INTS7: variants seen among roughly 807,000 people sequenced by gnomAD.
INTS7 encodes the protein integrator complex subunit 7.
A neutral mutation model predicts 109.2 loss-of-function variants in INTS7; 46 were observed. The ratio of observed to expected loss-of-function variants is 0.42; its 90% CI spans 0.33 to 0.54. The LOEUF is 0.54. Among genes scored for constraint, INTS7 ranks in the 20% least tolerant of loss-of-function variants. The pLI is 0.07. For missense variants in INTS7, 929 were observed against 1,132.4 expected, an observed-to-expected ratio of 0.82 and a Z score of 2.58; for synonymous variants, 412 against 402.9, an observed-to-expected ratio of 1.02 and a Z score of -0.27.
chr1:211,943,452 T>C lies in INTS7; in HGVS notation c.2601+1332A>G, dbSNP rs184014545. On this transcript the variant is annotated intron_variant, in intron 19 of 19. Transcript: ENST00000366994. ...GAGAGTTGCAGACAGGGATAAATTATGTAAATTCTCATTACAACCTTCTGT... is the reference window on the plus strand; with the variant it reads ...GAGAGTTGCAGACAGGGATAAATTACGTAAATTCTCATTACAACCTTCTGT... Among the ~76,000 whole-genome samples, 10 of 152,310 alleles carry C rather than the reference T, an allele frequency of 6.6e-5. No homozygotes were observed. In the East Asian group the frequency reaches 1.7e-3, roughly 26 times the overall value.
chr1:211,984,520 C>T lies in INTS7; in HGVS notation c.998-1710G>A, dbSNP rs116152112. On this transcript the variant is annotated intron_variant, in intron 8 of 19. Coordinates refer to ENST00000366994, the MANE Select transcript of INTS7 (RefSeq NM_015434.4). ...CACATATAATCAGGATATGTAGATA[C>T]TGGCCAATATTCTGCTTTTAAAATC... Among the ~76,000 whole-genome samples the T allele has an allele frequency of 3.5e-3, 540 of 152,234 alleles. 5 individuals carry two copies. The highest frequency in any genetic ancestry group is 0.012 in the African/African-American group (505 of 41,544).
intron 6 of INTS7, 54 bp downstream of exon 6, chr1:212,007,196 T>C (rs906444896): frequency 8.3e-7 from 1 of 1,209,186 alleles, no homozygotes; most frequent in Admixed American, 1.9e-5. Flanking sequence ...TCTAATCATA[T>C]ATTTAATATG....
At chr1:212,014,464 T>TC (rs1666308386) in intron 4 of INTS7, among the ~76,000 whole-genome samples, 1 of 12,884 alleles carries the variant, frequency 7.8e-5, no homozygotes, top group Non-Finnish European at 1.6e-4. Context: ...AAACTCCATC[T>TC]CAAAAAAAAA....
intron 12 of INTS7, among the ~76,000 whole-genome samples, chr1:211,975,693 T>C (rs1664389822): frequency 6.6e-6 from 1 of 152,226 alleles, no homozygotes; most frequent in African/African-American, 2.4e-5. Context: ...TTTTATGTTA[T>C]TCTAGATGAA....
chr1:211,966,271 T>C (rs1663873990), intron 16 of INTS7, 159 bp downstream of exon 16: 1 of 463,498 alleles, frequency 2.2e-6, no homozygotes, highest in Admixed American at 3.9e-5. Context: ...TAAATCTATG[T>C]TTTGTCACTA....
At chr1:212,009,155 T>C (rs1666058731) in intron 5 of INTS7, among the ~76,000 whole-genome samples, 1 of 152,172 alleles carries the variant, frequency 6.6e-6, no homozygotes, top group African/African-American at 2.4e-5. Context: ...AAACTCCTCT[T>C]TCATTTCCAT....
chr1:212,021,246 C>G (rs775836878), intron 1 of INTS7, 34 bp from the exon 2 acceptor site: 4 of 1,569,170 alleles, frequency 2.5e-6, no homozygotes, highest in African/African-American at 1.4e-5. Flanking sequence ...GAGGGAAGAA[C>G]AGTTTGCATA....
chr1:211,979,674 C>T (rs116695129), intron 10 of INTS7, among the ~76,000 whole-genome samples: 1,702 of 152,240 alleles, frequency 0.011, 30 homozygotes, highest in African/African-American at 0.038. Flanking sequence ...CAAATTATTT[C>T]ACCCAGCCAC....
intron 1 of INTS7, chr1:212,031,044 A>C (rs774760710): frequency 7.9e-5 from 12 of 152,236 alleles, no homozygotes; most frequent in Non-Finnish European, 1.5e-4. Flanking sequence ...TTTTTCACAC[A>C]GCATTACATT....
intron 7 of INTS7, among the ~76,000 whole-genome samples, chr1:212,003,478 G>C (rs1283191165): frequency 1.3e-5 from 2 of 151,426 alleles, no homozygotes; most frequent in African/African-American, 2.5e-5. Flanking sequence ...CAAATATTGA[G>C]AGGGTTTACC....
chr1:212,024,120 T>G (rs1195467799), intron 1 of INTS7, among the ~76,000 whole-genome samples: 1 of 152,218 alleles, frequency 6.6e-6, no homozygotes, highest in Non-Finnish European at 1.5e-5. Context: ...CCTTACAAAA[T>G]AGTTTGAAAT....
intron 7 of INTS7, among the ~76,000 whole-genome samples, chr1:212,000,933 C>A (rs1665639766): frequency 6.6e-6 from 1 of 152,130 alleles, no homozygotes; most frequent in African/African-American, 2.4e-5. Context: ...ATTGCTGTTG[C>A]AATTCTTCCC....
At chr1:212,024,026 T>C (rs1279856100) in intron 1 of INTS7, among the ~76,000 whole-genome samples, 1 of 152,204 alleles carries the variant, frequency 6.6e-6, no homozygotes, top group Non-Finnish European at 1.5e-5. Flanking sequence ...TGGCTGCAGG[T>C]GTGCAGCTTT....
At chr1:212,021,474 T>C (rs1666701452) in intron 1 of INTS7, among the ~76,000 whole-genome samples, 1 of 151,676 alleles carries the variant, frequency 6.6e-6, no homozygotes, top group Non-Finnish European at 1.5e-5. Flanking sequence ...AAAATAAATC[T>C]CAACACATTT....
At chr1:212,014,409 G>A (rs1254674118) in intron 4 of INTS7, among the ~76,000 whole-genome samples, 1 of 125,944 alleles carries the variant, frequency 7.9e-6, no homozygotes, top group Non-Finnish European at 1.6e-5. Context: ...AGGTTGCTGT[G>A]ACCCGAGATT....
chr1:212,005,661 C>T (rs1014773595), intron 7 of INTS7, among the ~76,000 whole-genome samples: 1 of 152,094 alleles, frequency 6.6e-6, no homozygotes, highest in African/African-American at 2.4e-5. Context: ...AGTGGCTGGG[C>T]ACATTCTCTT....
chr1:212,033,929 A>G (rs922741302), intron 1 of INTS7, among the ~76,000 whole-genome samples: 1 of 151,928 alleles, frequency 6.6e-6, no homozygotes, highest in Non-Finnish European at 1.5e-5. Context: ...CTAAAAATAC[A>G]AAAATTAGCC....
chr1:212,003,350 T>C (rs1665766265), intron 7 of INTS7, among the ~76,000 whole-genome samples: 2 of 151,100 alleles, frequency 1.3e-5, no homozygotes, highest in South Asian at 4.2e-4. Context: ...TTACTATTTT[T>C]CAGTGGCAAT....
chr1:211,943,037 C>A (rs867528839), intron 19 of INTS7, among the ~76,000 whole-genome samples: 1 of 152,098 alleles, frequency 6.6e-6, no homozygotes, highest in Admixed American at 6.5e-5. Flanking sequence ...AATGAACTGA[C>A]GTCACCAACC....
Sources: allele counts gnomAD v4.1 joint callset (sites outside exome capture counted in the v4.1 genomes callset), GRCh38; gene constraint gnomAD v4.1.1; transcripts MANE v1.5; gene names NCBI Gene and HGNC (gene_info 2026-07-23, HGNC 2026-07-21).